Variants in EML2 observed in about 807,000 individuals in gnomAD.
EML2 encodes the protein echinoderm microtubule-associated protein-like 2.
In EML2, 59 loss-of-function variants were observed where a neutral mutation model predicts 84.7. That is an observed-to-expected ratio of 0.70 (90% CI 0.56 to 0.86). The LOEUF (loss-of-function observed/expected upper bound fraction) is 0.86. Ranked by LOEUF, EML2 falls within the 40% of genes least tolerant of loss-of-function variation. The pLI is 0.00. For missense variants in EML2, 818 were observed against 855.6 expected (o/e 0.96, Z 0.55); for synonymous variants, 352 against 348.9 (o/e 1.01, Z -0.10).
At chr19:45,635,921 C>T (rs937812276) in intron 3 of EML2, among the ~76,000 whole-genome samples, 2 of 151,932 alleles carry the variant, frequency 1.3e-5, no homozygotes, top group Admixed American at 6.6e-5. Context: ...CCACAACTTG[C>T]AAATGTGACC....
chr19:45,617,762 T>G, intron 12 of EML2, 65 bp from the exon 13 acceptor site: 22 of 1,479,138 alleles, frequency 1.5e-5, no homozygotes, highest in Non-Finnish European at 2.0e-5. Flanking sequence ...GGACATTCTC[T>G]TGCCTCAGGG....
At chr19:45,620,109 A>T (rs1352342561) in intron 11 of EML2, among the ~76,000 whole-genome samples, 1 of 152,100 alleles carries the variant, frequency 6.6e-6, no homozygotes, top group Non-Finnish European at 1.5e-5. Context: ...CTAACTATTA[A>T]TATTTATAAC....
At chr19:45,645,500 C>G (rs1974971926), upstream of EML2, 2 of 1,379,482 alleles carry the variant, frequency 1.4e-6, no homozygotes, top group Admixed American at 6.5e-5. Flanking sequence ...GCGCTGGGGT[C>G]ATCCCCAGGA....
At chr19:45,641,851 C>A, upstream of EML2, 2 of 1,486,044 alleles carry the variant, frequency 1.3e-6, no homozygotes, top group Non-Finnish European at 1.8e-6. Flanking sequence ...GGAGCTCAGG[C>A]AAACAAACCA....
intron 6 of EML2, among the ~76,000 whole-genome samples, chr19:45,630,642 C>A (rs199610224): frequency 3.0e-4 from 45 of 151,746 alleles, no homozygotes; most frequent in African/African-American, 1.0e-3. Flanking sequence ...GTGAAGACAT[C>A]TGAAATGGTT....
rs2122647343 is a variant in EML2, at chr19:45,619,174, C to G, written c.1140G>C (p.Leu380=). Residue 380 remains leucine, a synonymous_variant, in exon 12 of 19, where the codon CTG becomes CTC. Coordinates refer to ENST00000245925, the MANE Select transcript of EML2 (RefSeq NM_012155.4). ...GACTGGGGTGTGTGGCCAGGCCCCA[C>G]AGCTCTTCCACATGGCCCTGGTGGA... ...SLLVQGHVEE[L]WGLATHPSRA... 3 of 1,611,256 alleles carry G rather than the reference C, an allele frequency of 1.9e-6. No homozygotes were observed. The East Asian group carries it at 6.7e-5, about 36-fold the overall frequency.
At chr19:45,610,571 C>T (rs191193320) in intron 18 of EML2, among the ~76,000 whole-genome samples, 19 of 152,282 alleles carry the variant, frequency 1.2e-4, no homozygotes, top group Admixed American at 9.8e-4. Flanking sequence ...GGCGTGGTGG[C>T]TCATGCTTAT....
At chr19:45,617,038 G>C (rs1971173047) in intron 13 of EML2, among the ~76,000 whole-genome samples, 185 bp from the exon 14 acceptor site, 1 of 152,184 alleles carries the variant, frequency 6.6e-6, no homozygotes, top group Non-Finnish European at 1.5e-5. Flanking sequence ...TTGAGGTCAA[G>C]AGTTCGAAAT....
At position 45,631,566 on chromosome 19, in the gene EML2, C is replaced by G. The variant is rs150397323; in HGVS notation, c.510+1295G>C. Reference sequence around the variant, plus strand: ...CCTGAGTAGCTGGGATTACCACACCCAGCTAATTTTTGTATATTTTTAGTA... The same window carrying G: ...CCTGAGTAGCTGGGATTACCACACCGAGCTAATTTTTGTATATTTTTAGTA... On this transcript the variant is annotated intron_variant, in intron 6 of 18. Transcript: ENST00000245925. 2.0e-5 allele frequency among the ~76,000 whole-genome samples: 3 copies of G among 151,986 alleles called. No homozygotes were observed. In the East Asian group the frequency reaches 5.8e-4, roughly 29 times the overall value.
chr19:45,635,574 G>A (rs1973628308), intron 3 of EML2, among the ~76,000 whole-genome samples: 2 of 132,206 alleles, frequency 1.5e-5, no homozygotes, highest in South Asian at 4.9e-4. Flanking sequence ...AAAAATGAAT[G>A]TCTGTTTCCT....
At chr19:45,634,267 T>G in intron 4 of EML2, 55 bp downstream of exon 4, 5 of 1,607,660 alleles carry the variant, frequency 3.1e-6, no homozygotes, top group Non-Finnish European at 4.3e-6. Flanking sequence ...GGGCAGGGGC[T>G]GGAGCTCCAT....
Position 45,613,586 on chromosome 19 carries a change from G to A in EML2, c.1779C>T (p.Asp593=). The A allele has an allele frequency of 6.2e-7, 1 of 1,614,122 alleles. No homozygotes were observed. The highest frequency in any genetic ancestry group is 1.1e-5 in the South Asian group (1 of 91,078). The change falls in exon 18 of 19, where the codon GAC becomes GAT. Residue 593 remains aspartate, a synonymous_variant. Transcript: ENST00000245925. ...HDGKLLASAD[D]FGKVHLFSYP... ...AGCTAAACAGGTGAACTTTGCCAAAGTCATCAGCTGAAGCCAGCAACTTCC... is the reference window on the plus strand; with the variant it reads ...AGCTAAACAGGTGAACTTTGCCAAAATCATCAGCTGAAGCCAGCAACTTCC...
upstream of EML2, chr19:45,645,429 C>G: frequency 6.9e-7 from 1 of 1,455,688 alleles, no homozygotes; most frequent in South Asian, 1.4e-5. Flanking sequence ...CATAGCAACG[C>G]CCTTCGTTCC....
upstream of EML2, chr19:45,641,650 T>G: frequency 6.5e-7 from 1 of 1,536,156 alleles, no homozygotes; most frequent in Non-Finnish European, 8.7e-7. Context: ...CCCTTCCTTT[T>G]TGGCGCTACA....
intron 16 of EML2, 175 bp from the exon 17 acceptor site, chr19:45,614,875 G>T (rs549908283): frequency 9.0e-6 from 5 of 558,602 alleles, no homozygotes; most frequent in Admixed American, 3.0e-5. Flanking sequence ...TTCACAGCCC[G>T]CAGCGTAAGC....
chr19:45,640,448 G>C (rs1387934071), upstream of EML2: 2 of 149,006 alleles, frequency 1.3e-5, no homozygotes, highest in African/African-American at 2.5e-5. Context: ...TTTGTTTAAC[G>C]GAGTCTTGCT....
intron 18 of EML2, among the ~76,000 whole-genome samples, chr19:45,610,273 C>T (rs184013810): frequency 6.6e-4 from 101 of 151,900 alleles, no homozygotes; most frequent in South Asian, 2.3e-3. Flanking sequence ...GGCGCATGCC[C>T]GTAATCCGAG....
Position 45,609,598 on chromosome 19 carries a change from C to T in EML2, c.*65G>A. Reference sequence around the variant, plus strand: ...CATACTCTGGGTATATATTACTCTACTCGGCAATAGACATCTCCCGAAAAT... The same window carrying T: ...CATACTCTGGGTATATATTACTCTATTCGGCAATAGACATCTCCCGAAAAT... On this transcript the variant is annotated 3_prime_UTR_variant, in exon 19 of 19. Coordinates refer to ENST00000245925, the MANE Select transcript of EML2 (RefSeq NM_012155.4). The T allele has an allele frequency of 6.8e-7, 1 of 1,461,444 alleles. No homozygotes were observed. The highest frequency in any genetic ancestry group is 9.2e-7 in the Non-Finnish European group (1 of 1,092,350). The allele number at this position is 1,461,444 out of a possible 1,614,324, so 90.5% of individuals were successfully genotyped here.
chr19:45,626,979 G>A (rs1358765787), intron 7 of EML2, 140 bp from the exon 8 acceptor site: 6 of 590,366 alleles, frequency 1.0e-5, no homozygotes, highest in Admixed American at 3.8e-5. Context: ...TTTTTTTTCA[G>A]GGCAGAGTCT....
Sources: gnomAD v4.1 joint callset for allele counts (sites outside exome capture counted in the v4.1 genomes callset) on GRCh38, gnomAD v4.1.1 for gene constraint, MANE v1.5 for transcripts, NCBI Gene and HGNC (gene_info 2026-07-23, HGNC 2026-07-21) for gene names.